The following ST6GALNAC3 variants were observed in gnomAD, a reference collection of about 807,000 sequenced individuals.
ST6GALNAC3 encodes ST6 N-acetylgalactosaminide alpha-2,6-sialyltransferase 3.
A neutral mutation model predicts 32.7 loss-of-function variants in ST6GALNAC3; 25 were observed. The ratio of observed to expected loss-of-function variants is 0.76; its 90% CI spans 0.56 to 1.07. The LOEUF (loss-of-function observed/expected upper bound fraction) is 1.07, where lower values mean the gene tolerates loss of function less well. Ranked by LOEUF, ST6GALNAC3 falls within the 50% of genes least tolerant of loss-of-function variation. The pLI, the probability that ST6GALNAC3 is intolerant of heterozygous loss-of-function variation, is 0.00. For synonymous variants in ST6GALNAC3, 129 were observed against 133.1 expected (o/e 0.97, Z 0.21); for missense variants, 355 against 382.4 (o/e 0.93, Z 0.60).
intron 3 of ST6GALNAC3, among the ~76,000 whole-genome samples, chr1:76,535,937 C>T (rs1212291574): frequency 2.0e-5 from 3 of 152,052 alleles, no homozygotes; most frequent in Non-Finnish European, 4.4e-5. Flanking sequence ...GCAAAAATAG[C>T]ATTTGATGGC....
At chr1:76,471,503 T>A (rs1323262924) in intron 3 of ST6GALNAC3, among the ~76,000 whole-genome samples, 1 of 152,118 alleles carries the variant, frequency 6.6e-6, no homozygotes, top group Non-Finnish European at 1.5e-5. Context: ...GGCAATGAGT[T>A]ACCTACCCAT....
rs1017727649 is a variant in ST6GALNAC3 at position 76,422,027 on chromosome 1, C to T, written c.623+9610C>T. Among the ~76,000 whole-genome samples, 21 of 151,786 alleles carry T rather than the reference C, an allele frequency of 1.4e-4. 1 individual carries two copies. The highest frequency in any genetic ancestry group is 2.2e-4 in the Non-Finnish European group (15 of 67,920). On this transcript the variant is annotated intron_variant, in intron 3 of 4. Coordinates refer to ENST00000328299, the MANE Select transcript of ST6GALNAC3 (RefSeq NM_152996.4). Reference sequence around the variant, plus strand: ...TTTATTTTTTTCTCTTATAGCATTACCTTCTAACATTCTATATAATATACT... The same window carrying T: ...TTTATTTTTTTCTCTTATAGCATTATCTTCTAACATTCTATATAATATACT...
intron 3 of ST6GALNAC3, among the ~76,000 whole-genome samples, chr1:76,579,880 CTT>C (rs768335956): frequency 2.6e-5 from 4 of 151,966 alleles, no homozygotes; most frequent in African/African-American, 9.7e-5. Context: ...TGCTTTATCT[CTT>C]TTTGAAGTGC....
chr1:76,252,067 G>C (rs544846556), intron 1 of ST6GALNAC3, among the ~76,000 whole-genome samples: 14 of 152,280 alleles, frequency 9.2e-5, no homozygotes, highest in African/African-American at 3.4e-4. Context: ...ATGGTGGGGA[G>C]CGTTGGTATG....
At chr1:76,283,464 G>A (rs1177945892) in intron 1 of ST6GALNAC3, among the ~76,000 whole-genome samples, 1 of 152,114 alleles carries the variant, frequency 6.6e-6, no homozygotes, top group Non-Finnish European at 1.5e-5. Context: ...ACCCTCAAGA[G>A]CCAACCTGTG....
chr1:76,409,644 C>G (rs1221161243), intron 2 of ST6GALNAC3, among the ~76,000 whole-genome samples: 1 of 151,998 alleles, frequency 6.6e-6, no homozygotes, highest in Admixed American at 6.6e-5. Flanking sequence ...TCTCTAAGGG[C>G]TGACATGGGA....
chr1:76,180,108 C>T (rs559842251), intron 1 of ST6GALNAC3, among the ~76,000 whole-genome samples: 2 of 152,284 alleles, frequency 1.3e-5, no homozygotes, highest in African/African-American at 2.4e-5. Context: ...GGGCAGGGCC[C>T]ACATTTTGTT....
intron 1 of ST6GALNAC3, among the ~76,000 whole-genome samples, chr1:76,288,520 T>G (rs1414910930): frequency 1.3e-5 from 2 of 152,196 alleles, no homozygotes; most frequent in African/African-American, 4.8e-5. Flanking sequence ...AGAGAGGGAA[T>G]GGCACACATA....
intron 3 of ST6GALNAC3, among the ~76,000 whole-genome samples, chr1:76,473,194 G>C (rs1334859968): frequency 6.6e-6 from 1 of 152,128 alleles, no homozygotes; most frequent in African/African-American, 2.4e-5. Context: ...GAGACAAGAG[G>C]TTTCAGAGTG....
intron 1 of ST6GALNAC3, among the ~76,000 whole-genome samples, chr1:76,270,507 C>CAAAAAAA (rs34410935): frequency 3.1e-5 from 2 of 64,116 alleles, no homozygotes; most frequent in Non-Finnish European, 5.8e-5. Context: ...AACTCTGTCT[C>CAAAAAAA]AAAAAAAAAA....
chr1:76,457,165 C>T (rs1039862390), intron 3 of ST6GALNAC3, among the ~76,000 whole-genome samples: 6 of 151,912 alleles, frequency 3.9e-5, no homozygotes, highest in African/African-American at 1.2e-4. Context: ...AGGACCTCTT[C>T]AAGGAGAACT....
intron 3 of ST6GALNAC3, among the ~76,000 whole-genome samples, chr1:76,414,315 G>A (rs1302399934): frequency 1.3e-5 from 2 of 152,044 alleles, no homozygotes; most frequent in Admixed American, 1.3e-4. Flanking sequence ...CTTTTTCACT[G>A]AGTCTATTTC....
chr1:76,399,765 A>G (rs1653259411), intron 2 of ST6GALNAC3, among the ~76,000 whole-genome samples: 1 of 152,168 alleles, frequency 6.6e-6, no homozygotes, highest in South Asian at 2.1e-4. Context: ...TCTCAATAAA[A>G]TGGTGTTATT....
chr1:76,112,216 C>T (rs1426372066), intron 1 of ST6GALNAC3, among the ~76,000 whole-genome samples: 3 of 143,378 alleles, frequency 2.1e-5, no homozygotes, highest in Non-Finnish European at 3.1e-5. Context: ...CCTCACCTCC[C>T]GGACGGGGCG....
intron 2 of ST6GALNAC3, among the ~76,000 whole-genome samples, chr1:76,366,337 T>C (rs1650370588): frequency 6.6e-6 from 1 of 152,208 alleles, no homozygotes; most frequent in South Asian, 2.1e-4. Flanking sequence ...TTAATTTAGC[T>C]TTGAAAATGA....
At chr1:76,337,678 A>T (rs1192439046) in intron 2 of ST6GALNAC3, among the ~76,000 whole-genome samples, 1 of 152,136 alleles carries the variant, frequency 6.6e-6, no homozygotes, top group Non-Finnish European at 1.5e-5. Context: ...CTGCATTTTA[A>T]CAAGATCCCA....
chr1:76,635,677 A>G (rs1214399690), downstream of ST6GALNAC3, among the ~76,000 whole-genome samples: 1 of 152,186 alleles, frequency 6.6e-6, no homozygotes, highest in Non-Finnish European at 1.5e-5. Context: ...TTCTACATAG[A>G]TGCTCCTCTC....
chr1:76,478,385 T>C (rs1433998330), intron 3 of ST6GALNAC3, among the ~76,000 whole-genome samples: 1 of 152,220 alleles, frequency 6.6e-6, no homozygotes, highest in African/African-American at 2.4e-5. Flanking sequence ...AAACATATCC[T>C]TTTGTTTTCT....
intron 1 of ST6GALNAC3, among the ~76,000 whole-genome samples, chr1:76,190,960 C>T (rs1653861522): frequency 6.6e-6 from 1 of 152,274 alleles, no homozygotes; most frequent in East Asian, 1.9e-4. Flanking sequence ...ATCAGCATCA[C>T]TTGGGAGCTT....
Sources: allele counts gnomAD v4.1 joint callset (sites outside exome capture counted in the v4.1 genomes callset), GRCh38; gene constraint gnomAD v4.1.1; transcripts MANE v1.5; gene names NCBI Gene and HGNC (gene_info 2026-07-23, HGNC 2026-07-21).